Variants in STAT6 observed in about 807,000 individuals in gnomAD.
The protein encoded by STAT6 is STAT, interleukin4-induced.
In STAT6, 45 loss-of-function variants were observed where a neutral mutation model predicts 106.3. The ratio of observed to expected loss-of-function variants is 0.42; its 90% CI spans 0.33 to 0.54. The LOEUF (loss-of-function observed/expected upper bound fraction) is 0.54. Ranked by LOEUF, STAT6 falls within the 20% of genes least tolerant of loss-of-function variation. STAT6 has a pLI of 0.06. For synonymous variants in STAT6, 413 were observed against 413.6 expected (o/e 1.00, Z 0.02); for missense variants, 797 against 1,062.2 (o/e 0.75, Z 3.47).
chr12:57,105,763 G>T, intron 7 of STAT6, 164 bp from the exon 8 acceptor site: 1 of 1,217,746 alleles, frequency 8.2e-7, no homozygotes, highest in Non-Finnish European at 1.1e-6. Flanking sequence ...TCTGTGATCT[G>T]TTGGCCTAGG....
At chr12:57,098,720 C>T in intron 18 of STAT6, 72 bp downstream of exon 18, 2 of 1,556,626 alleles carry the variant, frequency 1.3e-6, no homozygotes, top group Admixed American at 1.8e-5. Context: ...AGTGCCAGCT[C>T]TCCCAGCTGC....
In STAT6 at chr12:57,097,106, C is replaced by G. The variant is rs1238882001; in HGVS notation, c.2187G>C (p.Leu729=). 3 of 1,522,170 alleles carry G rather than the reference C, an allele frequency of 2.0e-6. No homozygotes were observed. In the African/African-American group the frequency reaches 4.2e-5, roughly 21 times the overall value. 94.3% of individuals were successfully genotyped at this position (1,522,170 alleles called of 1,614,324 possible). ...GGTCAAAGGGCAGGCTCATCTGGCC[C>G]AGGCTGGGGGGCATCTGCAGGTGAG... ...QEPHLQMPPS[L]GQMSLPFDQP... is the part of the protein sequence containing the mutation. Residue 729 remains leucine, a synonymous_variant, in exon 20 of 22, where the codon CTG becomes CTC. Transcript: ENST00000300134.
chr12:57,101,208 C>G lies in STAT6; in HGVS notation c.1512+1082G>C, dbSNP rs3024968. ...GGTTCAAGTGATTCTCCTGCCTCAG[C>G]CTCCCGAGTAGTTGGGACTACAGGC... On this transcript the variant is annotated intron_variant, in intron 13 of 21. Transcript: ENST00000300134. Among the ~76,000 whole-genome samples, 594 of 152,004 alleles carry G rather than the reference C, an allele frequency of 3.9e-3. 5 individuals carry two copies. Among genetic ancestry groups the G allele is most frequent in the African/African-American group, 0.013 (531 of 41,430 alleles).
At chr12:57,100,638 G>GA (rs1352178294) in intron 13 of STAT6, among the ~76,000 whole-genome samples, 1 of 100,062 alleles carries the variant, frequency 1.0e-5, no homozygotes, top group African/African-American at 4.0e-5. Context: ...GAAAGAGAAA[G>GA]AGAAAGAAAG....
intron 12 of STAT6, 110 bp downstream of exon 12, chr12:57,102,718 TA>T: frequency 9.9e-7 from 1 of 1,013,406 alleles, no homozygotes; most frequent in Non-Finnish European, 1.5e-6. Flanking sequence ...GAGAAAGTGT[TA>T]AGGTCACACC....
chr12:57,100,698 A>AAGAAAGAG (rs2033832290), intron 13 of STAT6: 2 of 33,762 alleles, frequency 5.9e-5, no homozygotes, highest in East Asian at 6.2e-4. Context: ...GAAAGAAAGA[A>AAGAAAGAG]AGAGAAAGAA....
At chr12:57,104,893 C>T (rs924100625) in intron 9 of STAT6, 80 bp from the exon 10 acceptor site, 10 of 1,476,536 alleles carry the variant, frequency 6.8e-6, no homozygotes, top group Non-Finnish European at 9.4e-6. Context: ...GTGTAGACTA[C>T]CCACTGTCAC....
At chr12:57,105,830 T>C in intron 7 of STAT6, 1 of 756,086 alleles carries the variant, frequency 1.3e-6, no homozygotes, top group South Asian at 2.0e-5. Context: ...CCCAGCTGCC[T>C]CTCCCCCGAC....
Position 57,096,781 on chromosome 12 carries a change from G to A in STAT6, c.2355-20C>T, listed in dbSNP as rs1445763817. 3.7e-6 allele frequency: 6 copies of A among 1,613,360 alleles called. No individual in the cohort carries two copies. The highest frequency in any genetic ancestry group is 5.1e-6 in the Non-Finnish European group (6 of 1,179,728). Reference sequence around the variant, plus strand: ...CCAATCCTGCAAGGAGATGGGAGAAGCAGTGGAGTAGGCATGGCGCCCACT... The same window carrying A: ...CCAATCCTGCAAGGAGATGGGAGAAACAGTGGAGTAGGCATGGCGCCCACT... On this transcript the variant is annotated intron_variant, in intron 21 of 21. Transcript: ENST00000300134.
At chr12:57,109,279 A>G (rs1171910812) in intron 1 of STAT6, among the ~76,000 whole-genome samples, 1 of 152,232 alleles carries the variant, frequency 6.6e-6, no homozygotes, top group Non-Finnish European at 1.5e-5. Context: ...TGGGAGAGTA[A>G]TAACAGCTAC....
At chr12:57,100,638 G>A (rs1221582165) in intron 13 of STAT6, among the ~76,000 whole-genome samples, 1 of 100,062 alleles carries the variant, frequency 1.0e-5, no homozygotes, top group Admixed American at 1.1e-4. Context: ...GAAAGAGAAA[G>A]AGAAAGAAAG....
At chr12:57,106,099 G>T (rs1385175322) in intron 7 of STAT6, 92 bp downstream of exon 7, 14 of 1,573,120 alleles carry the variant, frequency 8.9e-6, no homozygotes, top group Non-Finnish European at 1.0e-5. Flanking sequence ...AGGCCCTCCC[G>T]CCTGGCTTCT....
In STAT6 at chr12:57,111,293, C is replaced by T. The variant is rs373655380; in HGVS notation, c.-186G>A. The T allele has an allele frequency of 4.4e-5, 3 of 68,288 alleles. No homozygotes were observed. Among genetic ancestry groups the T allele is most frequent in the South Asian group, 4.6e-4 (1 of 2,192 alleles). 4.2% of individuals were successfully genotyped at this position (68,288 alleles called of 1,614,324 possible). ...AAGATAAAGCACACACATACATACA[C>T]ACACACACACACACACACACACACA... On this transcript the variant is annotated 5_prime_UTR_variant, in exon 1 of 22. The change creates a new upstream start codon in the 5' untranslated region. Coordinates refer to ENST00000300134, the MANE Select transcript of STAT6 (RefSeq NM_003153.5).
At chr12:57,098,370 CATTAG>C in intron 19 of STAT6, 130 bp downstream of exon 19, 1 of 903,752 alleles carries the variant, frequency 1.1e-6, no homozygotes. Context: ...ACTACCCCCT[CATTAG>C]AGTGGACAGA....
intron 1 of STAT6, among the ~76,000 whole-genome samples, chr12:57,108,937 G>A (rs1037725269): frequency 6.6e-6 from 1 of 152,162 alleles, no homozygotes; most frequent in African/African-American, 2.4e-5. Context: ...AGTGGCTCAT[G>A]CCTGTAATCC....
chr12:57,107,038 T>C (rs1164067598), intron 4 of STAT6, among the ~76,000 whole-genome samples, 193 bp downstream of exon 4: 1 of 152,210 alleles, frequency 6.6e-6, no homozygotes, highest in Non-Finnish European at 1.5e-5. Flanking sequence ...CCCGGCCTCT[T>C]ACCTTCAGTC....
chr12:57,106,465 T>A (rs1405429723), intron 6 of STAT6, 63 bp downstream of exon 6: 19 of 1,610,122 alleles, frequency 1.2e-5, no homozygotes, highest in Non-Finnish European at 1.6e-5. Context: ...CTTTCTGAGG[T>A]CTAGCTTCCA....
intron 11 of STAT6, 34 bp from the exon 12 acceptor site, chr12:57,102,955 TCTTTCTTTCC>T (rs779392565): frequency 1.3e-6 from 1 of 787,886 alleles, no homozygotes; most frequent in African/African-American, 2.0e-5. Flanking sequence ...TTCTTTTCTT[TCTTTCTTTCC>T]TTTTTTTTTT....
At chr12:57,102,943 GTTTCTTTTCTTTCTTTCTTTCCTT>G in intron 11 of STAT6, 22 bp from the exon 12 acceptor site, 1 of 1,216,278 alleles carries the variant, frequency 8.2e-7, no homozygotes. Flanking sequence ...GAGGACAGGG[GTTTCTTTTCTTTCTTTCTTTCCTT>G]TTTTTTTTTT....
Sources: gnomAD v4.1 joint callset for allele counts (sites outside exome capture counted in the v4.1 genomes callset) on GRCh38, gnomAD v4.1.1 for gene constraint, MANE v1.5 for transcripts, NCBI Gene and HGNC (gene_info 2026-07-23, HGNC 2026-07-21) for gene names.